ST8SIA4: variants seen among roughly 807,000 people sequenced by gnomAD.
The protein encoded by ST8SIA4 is ST8 alpha-N-acetyl-neuraminide alpha-2,8-sialyltransferase 4.
In ST8SIA4, 15 loss-of-function variants were observed where a neutral mutation model predicts 33.9. The observed-to-expected ratio is 0.44, with a 90% CI of 0.30 to 0.68. ST8SIA4 has a LOEUF of 0.68. ST8SIA4 is among the 30% of genes least tolerant of loss of function. ST8SIA4 has a pLI of 0.10. For missense variants in ST8SIA4, 321 were observed against 428.0 expected (o/e 0.75, Z 2.21); for synonymous variants, 171 against 151.2 (o/e 1.13, Z -0.96).
chr5:100,900,970 A>G (rs546294276), intron 1 of ST8SIA4, among the ~76,000 whole-genome samples: 1 of 152,298 alleles, frequency 6.6e-6, no homozygotes, highest in South Asian at 2.1e-4. Flanking sequence ...GCTGGGAGGA[A>G]ACTGCTTCAG....
chr5:100,896,778 A>G (rs968343712), intron 1 of ST8SIA4, among the ~76,000 whole-genome samples: 2 of 152,130 alleles, frequency 1.3e-5, no homozygotes, highest in South Asian at 4.1e-4. Context: ...ACAGAGACAG[A>G]ATGTTTTGTA....
intron 1 of ST8SIA4, among the ~76,000 whole-genome samples, chr5:100,901,634 T>C (rs965113602): frequency 5.9e-5 from 9 of 152,162 alleles, no homozygotes; most frequent in Non-Finnish European, 1.5e-5. Flanking sequence ...ATGACGACCA[T>C]TCCAGCCCAT....
intron 3 of ST8SIA4, among the ~76,000 whole-genome samples, chr5:100,883,750 C>G (rs778457408): frequency 6.6e-5 from 10 of 152,156 alleles, no homozygotes; most frequent in Non-Finnish European, 1.0e-4. Flanking sequence ...TCAGGGGTTT[C>G]TGCTTTTGCA....
At position 100,856,254 on chromosome 5, in the gene ST8SIA4, A is replaced by G; in HGVS notation, c.646T>C (p.Ser216Pro). The change falls in exon 4 of 5, where the codon TCC becomes CCC. Residue 216 changes from serine to proline, a missense_variant. Coordinates refer to ENST00000231461, the MANE Select transcript of ST8SIA4 (RefSeq NM_005668.6). ...CAAAGGACACTGTCATTCAGCATGG[A>G]AAGTCTATGCACAAATTTTTCTCTG... ...SDREKFVHRLSMLNDSVLWIP... is the reference protein window; with the variant it reads ...SDREKFVHRLPMLNDSVLWIP... 6.2e-7 allele frequency: 1 copy of G among 1,614,148 alleles called. No homozygotes were observed. Among genetic ancestry groups the G allele is most frequent in the Non-Finnish European group, 8.5e-7 (1 of 1,179,990 alleles).
At chr5:100,816,171 T>C (rs575841778) in intron 4 of ST8SIA4, among the ~76,000 whole-genome samples, 58 of 152,324 alleles carry the variant, frequency 3.8e-4, no homozygotes, top group African/African-American at 1.3e-3. Flanking sequence ...ATTCCTTGTC[T>C]CCTTCCTCCT....
intron 4 of ST8SIA4, among the ~76,000 whole-genome samples, chr5:100,838,991 A>C (rs1203581836): frequency 6.6e-6 from 1 of 151,046 alleles, no homozygotes; most frequent in Admixed American, 6.6e-5. Context: ...AGAGAACATT[A>C]ATTTTTTTTT....
chr5:100,837,689 G>T (rs58992676), intron 4 of ST8SIA4, among the ~76,000 whole-genome samples: 6,144 of 151,992 alleles, frequency 0.04, 378 homozygotes, highest in African/African-American at 0.14. Context: ...ATGAAAATCA[G>T]CAAATGCTAT....
chr5:100,848,118 A>C lies in ST8SIA4; in HGVS notation c.797+7985T>G, dbSNP rs889114151. Among the ~76,000 whole-genome samples the C allele has an allele frequency of 7.4e-4, 113 of 151,982 alleles. 1 individual carries two copies. The highest frequency in any genetic ancestry group is 1.0e-4 in the Non-Finnish European group (7 of 67,896). On this transcript the variant is annotated intron_variant, in intron 4 of 4. Coordinates refer to ENST00000231461, the MANE Select transcript of ST8SIA4 (RefSeq NM_005668.6). ...ACAAAAGATGAAATTACTACAAATAAATTCAAGATGGCATGTCAAACACCA... is the reference window on the plus strand; with the variant it reads ...ACAAAAGATGAAATTACTACAAATACATTCAAGATGGCATGTCAAACACCA...
chr5:100,894,133 T>C (rs1447265992), intron 2 of ST8SIA4, among the ~76,000 whole-genome samples: 1 of 152,140 alleles, frequency 6.6e-6, no homozygotes, highest in Non-Finnish European at 1.5e-5. Flanking sequence ...ATGAAAGATG[T>C]GAGCTCCAGG....
At chr5:100,891,535 CA>C (rs906436291) in intron 2 of ST8SIA4, among the ~76,000 whole-genome samples, 1 of 151,482 alleles carries the variant, frequency 6.6e-6, no homozygotes, top group Non-Finnish European at 1.5e-5. Flanking sequence ...ATCTTAGTGT[CA>C]AAAAAAATCT....
At chr5:100,815,729 T>C (rs941995504) in intron 4 of ST8SIA4, among the ~76,000 whole-genome samples, 7 of 152,110 alleles carry the variant, frequency 4.6e-5, no homozygotes, top group African/African-American at 7.2e-5. Context: ...CAAATCAGTG[T>C]GCTATAGAAG....
At chr5:100,862,318 C>T (rs1445502589) in intron 3 of ST8SIA4, among the ~76,000 whole-genome samples, 1 of 152,154 alleles carries the variant, frequency 6.6e-6, no homozygotes, top group Non-Finnish European at 1.5e-5. Flanking sequence ...TTCATAATAA[C>T]ATAATTCACA....
At chr5:100,902,710 A>T in intron 1 of ST8SIA4, 133 bp downstream of exon 1, 1 of 767,520 alleles carries the variant, frequency 1.3e-6, no homozygotes. Context: ...TTTGTTATTT[A>T]ATTCATGACA....
In ST8SIA4 at chr5:100,886,612, A is replaced by G; in HGVS notation, c.246-12T>C. 1 of 1,606,502 alleles carries G rather than the reference A, an allele frequency of 6.2e-7. No homozygotes were observed. Among genetic ancestry groups the G allele is most frequent in the Non-Finnish European group, 8.5e-7 (1 of 1,173,506 alleles). Reference sequence around the variant, plus strand: ...GAAGTATGTTCTTCCTGTATTTGAAATACAAGCAAAGTTTTACATTACCAT... The same window carrying G: ...GAAGTATGTTCTTCCTGTATTTGAAGTACAAGCAAAGTTTTACATTACCAT... On this transcript the variant is annotated splice_polypyrimidine_tract_variant and intron_variant, in intron 2 of 4. Coordinates refer to ENST00000231461, the MANE Select transcript of ST8SIA4 (RefSeq NM_005668.6).
At position 100,903,061 on chromosome 5, in the gene ST8SIA4, G is replaced by A. The variant is rs1752958163; in HGVS notation, c.-106C>T. ...CGCGGGGGTGAAATCTGTAAAATGCGAGGAGAGCTTGGAGCCGGGATCCCG... is the reference window on the plus strand; with the variant it reads ...CGCGGGGGTGAAATCTGTAAAATGCAAGGAGAGCTTGGAGCCGGGATCCCG... On this transcript the variant is annotated 5_prime_UTR_variant, in exon 1 of 5. Coordinates refer to ENST00000231461, the MANE Select transcript of ST8SIA4 (RefSeq NM_005668.6). 2.5e-6 allele frequency: 2 copies of A among 785,682 alleles called. No individual in the cohort carries two copies. The highest frequency in any genetic ancestry group is 2.6e-5 in the East Asian group (1 of 38,706). 48.7% of individuals were successfully genotyped at this position (785,682 alleles called of 1,614,324 possible).
chr5:100,873,392 A>ACTTT (rs1752237693), intron 3 of ST8SIA4, among the ~76,000 whole-genome samples: 1 of 152,094 alleles, frequency 6.6e-6, no homozygotes, highest in Non-Finnish European at 1.5e-5. Flanking sequence ...AGAAATTCCA[A>ACTTT]CTAATTAGCC....
At chr5:100,875,302 T>C (rs750456632) in intron 3 of ST8SIA4, among the ~76,000 whole-genome samples, 1 of 152,174 alleles carries the variant, frequency 6.6e-6, no homozygotes, top group Non-Finnish European at 1.5e-5. Context: ...AGAATGCTGA[T>C]AGCTTATGGC....
chr5:100,866,647 A>G (rs1017335296), intron 3 of ST8SIA4, among the ~76,000 whole-genome samples: 26 of 151,956 alleles, frequency 1.7e-4, no homozygotes, highest in Non-Finnish European at 8.8e-5. Flanking sequence ...ACACACATAT[A>G]CATAAACTTA....
chr5:100,838,102 T>A (rs1751400215), intron 4 of ST8SIA4, among the ~76,000 whole-genome samples: 1 of 151,986 alleles, frequency 6.6e-6, no homozygotes, highest in African/African-American at 2.4e-5. Context: ...TATCAGGATG[T>A]ATGAGACAAA....
Sources: gnomAD v4.1 joint callset for allele counts (sites outside exome capture counted in the v4.1 genomes callset) on GRCh38, gnomAD v4.1.1 for gene constraint, MANE v1.5 for transcripts, NCBI Gene and HGNC (gene_info 2026-07-23, HGNC 2026-07-21) for gene names.